The following TTC27 variants were observed in gnomAD, a reference collection of about 807,000 sequenced individuals.
TTC27 encodes tetratricopeptide repeat domain 27.
TTC27 carries 79 observed loss-of-function variants against 115.9 expected under a neutral mutation model. The observed-to-expected ratio is 0.68, with a 90% CI of 0.57 to 0.82. The LOEUF (loss-of-function observed/expected upper bound fraction) is 0.82. TTC27 is among the 40% of genes least tolerant of loss of function. The probability of loss-of-function intolerance (pLI) is 0.00; values close to 1 mark genes in which losing one functional copy is unlikely to be tolerated. For missense variants in TTC27, 1,054 were observed against 993.1 expected (o/e 1.06, Z -0.82); for synonymous variants, 401 against 356.0 (o/e 1.13, Z -1.42).
At chr2:32,663,534 C>G (rs936141899) in intron 5 of TTC27, among the ~76,000 whole-genome samples, 5 of 152,134 alleles carry the variant, frequency 3.3e-5, no homozygotes, top group Non-Finnish European at 7.3e-5. Flanking sequence ...GAGCCTGGTA[C>G]CTCAGTTGGA....
At chr2:32,794,032 T>A (rs1670623429) in intron 16 of TTC27, among the ~76,000 whole-genome samples, 1 of 152,178 alleles carries the variant, frequency 6.6e-6, no homozygotes, top group African/African-American at 2.4e-5. Flanking sequence ...GATGTAATTT[T>A]GTGACATCAA....
intron 12 of TTC27, among the ~76,000 whole-genome samples, chr2:32,746,582 A>AAAAAAAAAAAAAAAAAAAAAAAAAAAT (rs56007091): frequency 6.6e-6 from 1 of 150,942 alleles, no homozygotes; most frequent in East Asian, 1.9e-4. Flanking sequence ...AAAAAAAAAA[A>AAAAAAAAAAAAAAAAAAAAAAAAAAAT]GAATGCACAT....
At chr2:32,798,389 G>A (rs1390865412) in intron 16 of TTC27, among the ~76,000 whole-genome samples, 8 of 145,828 alleles carry the variant, frequency 5.5e-5, no homozygotes, top group South Asian at 2.2e-4. Context: ...GACAGAGCGC[G>A]ACTCCATCTC....
At chr2:32,752,367 C>T (rs961293417) in intron 12 of TTC27, among the ~76,000 whole-genome samples, 1 of 152,166 alleles carries the variant, frequency 6.6e-6, no homozygotes, top group Non-Finnish European at 1.5e-5. Flanking sequence ...GGATGCCTTC[C>T]TGTACATTAC....
intron 13 of TTC27, among the ~76,000 whole-genome samples, chr2:32,773,214 G>T (rs1363102383): frequency 1.3e-5 from 2 of 152,174 alleles, no homozygotes; most frequent in African/African-American, 4.8e-5. Flanking sequence ...GTTATTGGCT[G>T]CATACAGCCA....
intron 13 of TTC27, 95 bp downstream of exon 13, chr2:32,758,614 C>T: frequency 8.5e-7 from 1 of 1,183,030 alleles, no homozygotes; most frequent in Non-Finnish European, 1.2e-6. Flanking sequence ...AACCTGATAA[C>T]TGGTGAGTTT....
At chr2:32,638,192 A>C (rs1342870515) in intron 3 of TTC27, among the ~76,000 whole-genome samples, 1 of 152,180 alleles carries the variant, frequency 6.6e-6, no homozygotes, top group Non-Finnish European at 1.5e-5. Flanking sequence ...AAACTTGATA[A>C]TATTTCATTA....
At chr2:32,704,798 A>G (rs1667310386) in intron 10 of TTC27, 1 of 461,112 alleles carries the variant, frequency 2.2e-6, no homozygotes, top group Non-Finnish European at 4.5e-6. Context: ...TCATGATTTG[A>G]TTCAGGTCAT....
chr2:32,735,754 T>A (rs1310125598), intron 11 of TTC27, among the ~76,000 whole-genome samples: 1 of 152,222 alleles, frequency 6.6e-6, no homozygotes, highest in Non-Finnish European at 1.5e-5. Flanking sequence ...GCACCAAGAT[T>A]TATTCCAGCT....
intron 16 of TTC27, among the ~76,000 whole-genome samples, chr2:32,808,330 C>T (rs1671204237): frequency 6.6e-6 from 1 of 152,158 alleles, no homozygotes; most frequent in South Asian, 2.1e-4. Context: ...CTGCCATGAC[C>T]CTCAATGACT....
At chr2:32,633,806 G>A in intron 2 of TTC27, 70 bp from the exon 3 acceptor site, 1 of 1,485,008 alleles carries the variant, frequency 6.7e-7, no homozygotes, top group East Asian at 2.3e-5. Context: ...AAACTGAAAT[G>A]GAATAGTGTG....
chr2:32,811,699 C>T (rs955857161), intron 17 of TTC27, among the ~76,000 whole-genome samples: 2 of 152,200 alleles, frequency 1.3e-5, no homozygotes, highest in Non-Finnish European at 2.9e-5. Context: ...AAAGGTTGCC[C>T]TGCCCTTTCT....
At position 32,630,674 on chromosome 2, in the gene TTC27, C is replaced by A; in HGVS notation, c.240C>A (p.Tyr80Ter). 6.2e-7 allele frequency: 1 copy of A among 1,611,636 alleles called. No individual in the cohort carries two copies. The highest frequency in any genetic ancestry group is 8.5e-7 in the Non-Finnish European group (1 of 1,179,288). Residue 80 changes from tyrosine to a stop codon, truncating the protein, a stop_gained, in exon 2 of 20, where the codon TAC becomes TAA. Transcript: ENST00000317907. LOFTEE classifies it high-confidence loss of function. ...LEKQVVTFLDYSTDLDTTERQ... is the reference protein window; with the variant it reads ...LEKQVVTFLD ...AGCAGGTAGTAACATTCCTGGATTA[C>A]TCAACAGATTTGGACACAACGGAAA...
chr2:32,629,690 C>A lies in TTC27; in HGVS notation c.89-833C>A, dbSNP rs1169575006. On this transcript the variant is annotated intron_variant, in intron 1 of 19. Coordinates refer to ENST00000317907, the MANE Select transcript of TTC27 (RefSeq NM_017735.5). ...TCCTGACGTCGTGATCCACCCACCT[C>A]GGCCTCCCAAAGTGCTGGGATTACA... 2.0e-5 allele frequency among the ~76,000 whole-genome samples: 3 copies of A among 152,004 alleles called. No individual in the cohort carries two copies. In the South Asian group the frequency reaches 6.2e-4, roughly 31 times the overall value.
intron 9 of TTC27, among the ~76,000 whole-genome samples, chr2:32,699,520 AT>A (rs960661251): frequency 1.3e-5 from 2 of 152,170 alleles, no homozygotes; most frequent in Non-Finnish European, 2.9e-5. Context: ...GGTTGCTGAA[AT>A]TTTTTTAAAA....
rs1281366515 is a variant in TTC27, at chr2:32,631,141, A to C, written c.266+441A>C. On this transcript the variant is annotated intron_variant, in intron 2 of 19. Transcript: ENST00000317907. ...AAACATGGTGAAACCCCGTCTATAC[A>C]AAAATACAAAAATTAGCTGGGCATG... 2.6e-5 allele frequency among the ~76,000 whole-genome samples: 4 copies of C among 152,198 alleles called. No homozygotes were observed. The East Asian group carries it at 7.7e-4, about 29-fold the overall frequency.
intron 4 of TTC27, among the ~76,000 whole-genome samples, chr2:32,646,060 G>T (rs1178458295): frequency 7.5e-6 from 1 of 132,468 alleles, no homozygotes; most frequent in African/African-American, 2.9e-5. Flanking sequence ...ATGGAGTCTC[G>T]CTCTGTCGCC....
At chr2:32,630,978 A>T (rs1371622490) in intron 2 of TTC27, among the ~76,000 whole-genome samples, 1 of 152,188 alleles carries the variant, frequency 6.6e-6, no homozygotes, top group Non-Finnish European at 1.5e-5. Flanking sequence ...ACCCACCGGC[A>T]AAACTTCAGA....
intron 16 of TTC27, among the ~76,000 whole-genome samples, chr2:32,794,756 C>G (rs147390819): frequency 1.3e-3 from 195 of 152,010 alleles, no homozygotes; most frequent in African/African-American, 4.5e-3. Flanking sequence ...AAATGGGGGA[C>G]ATTACTACTG....
Sources: gnomAD v4.1 joint callset for allele counts (sites outside exome capture counted in the v4.1 genomes callset) on GRCh38, gnomAD v4.1.1 for gene constraint, MANE v1.5 for transcripts, NCBI Gene and HGNC (gene_info 2026-07-23, HGNC 2026-07-21) for gene names.